The following XKR6 variants were observed in gnomAD, a reference collection of about 807,000 sequenced individuals.
XKR6 encodes XK related 6.
A neutral mutation model predicts 56.7 loss-of-function variants in XKR6; 22 were observed. That is an observed-to-expected ratio of 0.39 (90% CI 0.28 to 0.55). The LOEUF (loss-of-function observed/expected upper bound fraction) is 0.55, where lower values mean the gene tolerates loss of function less well. Ranked by LOEUF, XKR6 falls within the 20% of genes least tolerant of loss-of-function variation. XKR6 has a pLI of 0.66. For missense variants in XKR6, 852 were observed against 889.0 expected (o/e 0.96, Z 0.53); for synonymous variants, 524 against 387.8 (o/e 1.35, Z -4.13).
chr8:11,152,616 T>C (rs1298484631), intron 1 of XKR6, among the ~76,000 whole-genome samples: 3 of 152,208 alleles, frequency 2.0e-5, no homozygotes, highest in Non-Finnish European at 4.4e-5. Context: ...ACAAAGATTC[T>C]CATTCTAATA....
At chr8:11,132,885 G>A (rs975906050) in intron 1 of XKR6, among the ~76,000 whole-genome samples, 3 of 150,334 alleles carry the variant, frequency 2.0e-5, no homozygotes, top group African/African-American at 4.9e-5. Flanking sequence ...TCTTCCAATG[G>A]AGATGCCAGA....
chr8:10,992,495 T>TAATAGAG (rs1798016897), intron 1 of XKR6, among the ~76,000 whole-genome samples: 1 of 152,192 alleles, frequency 6.6e-6, no homozygotes, highest in Non-Finnish European at 1.5e-5. Flanking sequence ...ACAAGGTCTC[T>TAATAGAG]ATTCCTTCAG....
At chr8:11,159,034 C>T (rs577874349) in intron 1 of XKR6, among the ~76,000 whole-genome samples, 1 of 152,222 alleles carries the variant, frequency 6.6e-6, no homozygotes, top group Non-Finnish European at 1.5e-5. Context: ...CTACCATTTA[C>T]AAGCTGTATG....
intron 1 of XKR6, among the ~76,000 whole-genome samples, chr8:11,195,912 C>T (rs1184938788): frequency 6.6e-6 from 1 of 150,814 alleles, no homozygotes; most frequent in Non-Finnish European, 1.5e-5. Flanking sequence ...CGGCCTCCCA[C>T]TGAGTTTCTT....
In XKR6 at chr8:11,068,866, C is replaced by T. The variant is rs540553322; in HGVS notation, c.764+131710G>A. Among the ~76,000 whole-genome samples, 8 of 152,326 alleles carry T rather than the reference C, an allele frequency of 5.3e-5. No homozygotes were observed. In the South Asian group the frequency reaches 1.0e-3, roughly 20 times the overall value. On this transcript the variant is annotated intron_variant, in intron 1 of 2. Transcript: ENST00000416569. ...ACTGGTCATAACTGATTTCTTCCTTCAGAAAGGCACCCGTCAGGAAGAATC... is the reference window on the plus strand; with the variant it reads ...ACTGGTCATAACTGATTTCTTCCTTTAGAAAGGCACCCGTCAGGAAGAATC...
chr8:11,192,761 G>C (rs958095661), intron 1 of XKR6, among the ~76,000 whole-genome samples: 1 of 152,178 alleles, frequency 6.6e-6, no homozygotes, highest in South Asian at 2.1e-4. Flanking sequence ...TCTGATCCTG[G>C]AGTCTGTAGT....
intron 1 of XKR6, chr8:11,111,901 C>A (rs1403510959): frequency 6.6e-6 from 1 of 151,822 alleles, no homozygotes; most frequent in African/African-American, 2.4e-5. Context: ...ACCTAAAAAA[C>A]AAAAAGGAAA....
At chr8:11,159,921 G>T (rs1801709184) in intron 1 of XKR6, among the ~76,000 whole-genome samples, 1 of 152,078 alleles carries the variant, frequency 6.6e-6, no homozygotes, top group East Asian at 1.9e-4. Context: ...TGACCCCAAG[G>T]GCAAGCCAAA....
At chr8:11,075,211 C>G (rs1248598349) in intron 1 of XKR6, among the ~76,000 whole-genome samples, 1 of 152,236 alleles carries the variant, frequency 6.6e-6, no homozygotes, top group Non-Finnish European at 1.5e-5. Flanking sequence ...GCGCCACAGT[C>G]CCTCAGTGAG....
intron 1 of XKR6, among the ~76,000 whole-genome samples, chr8:11,194,119 G>A (rs918024814): frequency 6.6e-6 from 1 of 152,296 alleles, no homozygotes; most frequent in South Asian, 2.1e-4. Flanking sequence ...ATACACACTT[G>A]CTTTAAAAAT....
rs139384330 is a variant in XKR6 at position 11,060,902 on chromosome 8, A to G, written c.765-136072T>C. On this transcript the variant is annotated intron_variant, in intron 1 of 2. Transcript: ENST00000416569. The stretch of plus-strand genomic sequence containing the variant: ...TCTTTTGATCCTGATACAAACCCTG[A>G]TGAAGGGTAAATATTCTTATCCCCT... Among the ~76,000 whole-genome samples, 88 of 152,352 alleles carry G rather than the reference A, an allele frequency of 5.8e-4. 1 individual carries two copies. Among genetic ancestry groups the G allele is most frequent in the African/African-American group, 2.0e-3 (85 of 41,580 alleles).
chr8:11,183,156 T>C (rs529336688), intron 1 of XKR6, among the ~76,000 whole-genome samples: 4 of 152,362 alleles, frequency 2.6e-5, no homozygotes, highest in African/African-American at 4.8e-5. Context: ...TTACTGTGAA[T>C]AGTGCTGCTA....
intron 1 of XKR6, among the ~76,000 whole-genome samples, chr8:11,082,133 G>A (rs1797743724): frequency 1.3e-5 from 2 of 152,210 alleles, no homozygotes; most frequent in Admixed American, 1.3e-4. Flanking sequence ...GTGAGGAGCT[G>A]TGACCTGGGC....
At chr8:11,078,534 T>A (rs886906019) in intron 1 of XKR6, among the ~76,000 whole-genome samples, 2 of 152,162 alleles carry the variant, frequency 1.3e-5, no homozygotes, top group African/African-American at 4.8e-5. Flanking sequence ...TGGTGAATCC[T>A]TGAGTCCTAA....
At chr8:10,999,795 G>A (rs1798198184) in intron 1 of XKR6, among the ~76,000 whole-genome samples, 2 of 152,138 alleles carry the variant, frequency 1.3e-5, no homozygotes, top group Non-Finnish European at 2.9e-5. Context: ...CAGGTGACTC[G>A]GGACAGCATG....
At chr8:11,121,745 T>C (rs942146894) in intron 1 of XKR6, among the ~76,000 whole-genome samples, 15 of 152,232 alleles carry the variant, frequency 9.9e-5, no homozygotes, top group Admixed American at 3.3e-4. Flanking sequence ...CATATGTTTA[T>C]TGCGGCACTA....
intron 1 of XKR6, among the ~76,000 whole-genome samples, chr8:11,073,318 C>G (rs1221117042): frequency 6.6e-6 from 1 of 152,098 alleles, no homozygotes; most frequent in Non-Finnish European, 1.5e-5. Flanking sequence ...AGAGGGTCAC[C>G]TATGTGCTAG....
At chr8:11,197,062 G>A (rs1438272594) in intron 1 of XKR6, among the ~76,000 whole-genome samples, 1 of 152,196 alleles carries the variant, frequency 6.6e-6, no homozygotes, top group African/African-American at 2.4e-5. Flanking sequence ...ACTGGATGGT[G>A]CCATTATAAA....
chr8:11,178,554 A>ATATATATATATATATATG (rs1802786322), intron 1 of XKR6, among the ~76,000 whole-genome samples: 16 of 124,462 alleles, frequency 1.3e-4, no homozygotes, highest in African/African-American at 5.8e-4. Flanking sequence ...AAAAATATAT[A>ATATATATATATATATATG]TATATATATA....
Sources: gnomAD v4.1 joint callset for allele counts (sites outside exome capture counted in the v4.1 genomes callset) on GRCh38, gnomAD v4.1.1 for gene constraint, MANE v1.5 for transcripts, NCBI Gene and HGNC (gene_info 2026-07-23, HGNC 2026-07-21) for gene names.